The following DNMT3A variants were observed in gnomAD, a reference collection of about 807,000 sequenced individuals.
DNMT3A encodes DNA (cytosine-5)-methyltransferase 3A.
Under a neutral mutation model 117.6 loss-of-function variants are expected in DNMT3A, and 267 were observed. The observed-to-expected ratio is 2.27, with a 90% confidence interval of 2.05 to 2.51. DNMT3A has a LOEUF of 2.51. Ranked by LOEUF, DNMT3A falls within the 30% of genes most tolerant of loss-of-function variation. The probability of loss-of-function intolerance (pLI) is 0.00; values close to 1 mark genes in which losing one functional copy is unlikely to be tolerated. For missense variants in DNMT3A, 1,029 were observed against 1,260.2 expected (o/e 0.82, Z 2.78); for synonymous variants, 432 against 474.8 (o/e 0.91, Z 1.17).
rs1367311397 is a variant in DNMT3A, at chr2:25,234,434, G to A, written c.2598-14C>T. ...AAACCAAATACCCTGGGGGAGAAAAGGCAGAGAGGGCAGGGTGAGTGCTGG... is the reference window on the plus strand; with the variant it reads ...AAACCAAATACCCTGGGGGAGAAAAAGCAGAGAGGGCAGGGTGAGTGCTGG... On this transcript the variant is annotated splice_polypyrimidine_tract_variant and intron_variant, in intron 22 of 22. Transcript: ENST00000321117. The surrounding 1 kb of genome is among the most constrained non-coding windows in gnomAD (Gnocchi z 4.5). 2 of 1,609,560 alleles carry A rather than the reference G, an allele frequency of 1.2e-6. No homozygotes were observed. Among genetic ancestry groups the A allele is most frequent in the South Asian group, 2.2e-5 (2 of 90,246 alleles).
In DNMT3A at chr2:25,246,810, G is replaced by A. The variant is rs768653455; in HGVS notation, c.1123-34C>T. ...TGACACGCCAGGGTTGGGGTTGTCA[G>A]GACAGGCTGGAAGGCAGATGGGTCA... On this transcript the variant is annotated intron_variant, in intron 9 of 22. Transcript: ENST00000321117. 1.4e-5 allele frequency: 23 copies of A among 1,607,022 alleles called. No homozygotes were observed. In the Admixed American group the frequency reaches 2.8e-4, roughly 20 times the overall value.
rs1001027479 is a variant in DNMT3A at position 25,230,491 on chromosome 2, T to G, written c.*3788A>C. 1.3e-5 allele frequency: 2 copies of G among 152,210 alleles called. No homozygotes were observed. Among genetic ancestry groups the G allele is most frequent in the Non-Finnish European group, 2.9e-5 (2 of 68,062 alleles). 9.4% of individuals were successfully genotyped at this position (152,210 alleles called of 1,614,324 possible). On this transcript the variant is annotated 3_prime_UTR_variant, in exon 23 of 23. Coordinates refer to ENST00000321117, the MANE Select transcript of DNMT3A (RefSeq NM_022552.5). Reference sequence around the variant, plus strand: ...TTCTAAGGGGGAAATGGGCCTACTCTTCGGAAAGAAAATTCCACAGGGAAT... The same window carrying G: ...TTCTAAGGGGGAAATGGGCCTACTCGTCGGAAAGAAAATTCCACAGGGAAT...
At chr2:25,333,801 C>T (rs1023794726) in intron 1 of DNMT3A, among the ~76,000 whole-genome samples, 20 of 152,314 alleles carry the variant, frequency 1.3e-4, no homozygotes, top group African/African-American at 4.6e-4. Flanking sequence ...AAATATTGCA[C>T]GTCATTCAGG....
chr2:25,326,106 A>ATG lies in DNMT3A; in HGVS notation c.-177-11946_-177-11945insCA, dbSNP rs1159330144. On this transcript the variant is annotated intron_variant, in intron 1 of 22. Coordinates refer to ENST00000321117, the MANE Select transcript of DNMT3A (RefSeq NM_022552.5). ...TGCACATTTTCTATTAACTTGATAT[A>ATG]TATGTGTGTGTGTGTGTGTGTGTGT... Among the ~76,000 whole-genome samples the ATG allele has an allele frequency of 2.7e-3, 276 of 103,316 alleles. 1 individual carries two copies. Among genetic ancestry groups the ATG allele is most frequent in the East Asian group, 0.01 (37 of 3,642 alleles). 67.8% of individuals were successfully genotyped at this position (103,316 alleles called of 152,430 possible).
chr2:25,283,817 C>T (rs1466168533), intron 3 of DNMT3A, among the ~76,000 whole-genome samples: 1 of 152,218 alleles, frequency 6.6e-6, no homozygotes, highest in Non-Finnish European at 1.5e-5. Context: ...GTGTGTGTCA[C>T]TGCGCAGTGG....
intron 15 of DNMT3A, 29 bp downstream of exon 15, chr2:25,244,126 C>T (rs759494357): frequency 2.0e-5 from 33 of 1,613,484 alleles, no homozygotes; most frequent in South Asian, 6.6e-5. Context: ...CAAGGGAGCT[C>T]GAGACCGCGC....
chr2:25,318,698 C>CTTTT lies in DNMT3A; in HGVS notation c.-177-4541_-177-4538dup, dbSNP rs375722790. On this transcript the variant is annotated intron_variant, in intron 1 of 22. Transcript: ENST00000321117. ...ATAAAGACATTTTCTTTTTTCTTTT[C>CTTTT]TTTTTTTTTTTTTTTTTGAGATGGA... Among the ~76,000 whole-genome samples, 54 of 132,260 alleles carry CTTTT rather than the reference C, an allele frequency of 4.1e-4. 2 individuals are homozygous for CTTTT. The South Asian group carries it at 9.1e-3, about 22-fold the overall frequency. The allele number at this position is 132,260 out of a possible 152,430, so 86.8% of individuals were successfully genotyped here.
intron 2 of DNMT3A, among the ~76,000 whole-genome samples, chr2:25,302,986 G>A (rs1485301530): frequency 2.0e-5 from 3 of 152,180 alleles, no homozygotes; most frequent in Admixed American, 6.5e-5. Context: ...GTAGGGAGGT[G>A]TCCATCCTGT....
chr2:25,249,873 G>T, intron 6 of DNMT3A: 2 of 892,214 alleles, frequency 2.2e-6, no homozygotes, highest in Non-Finnish European at 3.5e-6. Flanking sequence ...TTTTCTACAT[G>T]CCTTTCAAAA....
rs531337786 is a variant in DNMT3A at position 25,284,180 on chromosome 2, T to C, written c.178-1469A>G. On this transcript the variant is annotated intron_variant, in intron 3 of 22. Coordinates refer to ENST00000321117, the MANE Select transcript of DNMT3A (RefSeq NM_022552.5). ...CTCCGTATGCAGAACACCTACCCAG[T>C]AGAAAGGCAGGGACAGCATCAGCAC... Among the ~76,000 whole-genome samples the C allele has an allele frequency of 6.4e-4, 98 of 152,192 alleles. 1 individual carries two copies. Among genetic ancestry groups the C allele is most frequent in the Non-Finnish European group, 8.8e-4 (60 of 67,996 alleles).
intron 2 of DNMT3A, among the ~76,000 whole-genome samples, chr2:25,313,090 G>A (rs1450631159): frequency 2.0e-5 from 3 of 152,168 alleles, no homozygotes; most frequent in Non-Finnish European, 4.4e-5. Context: ...CTGACAGAGG[G>A]CAACACAGTC....
chr2:25,340,607 C>T (rs142670362), intron 1 of DNMT3A, among the ~76,000 whole-genome samples: 2,780 of 152,184 alleles, frequency 0.018, 34 homozygotes, highest in Middle Eastern at 0.051. Context: ...AGCTCGAGGT[C>T]TCCCGGGGTG....
chr2:25,309,607 G>C (rs894176248), intron 2 of DNMT3A, among the ~76,000 whole-genome samples: 1 of 152,184 alleles, frequency 6.6e-6, no homozygotes, highest in African/African-American at 2.4e-5. Flanking sequence ...CCTAAGGAGC[G>C]CAGAAGCCAG....
intron 5 of DNMT3A, 90 bp downstream of exon 5, chr2:25,275,410 G>GGCCCCCCCC: frequency 1.4e-6 from 2 of 1,451,162 alleles, no homozygotes; most frequent in Non-Finnish European, 1.9e-6. Flanking sequence ...AGGAGGAGGG[G>GGCCCCCCCC]CCCACCCTCC....
intron 6 of DNMT3A, among the ~76,000 whole-genome samples, chr2:25,270,353 G>A (rs1021205379): frequency 6.6e-6 from 1 of 152,180 alleles, no homozygotes; most frequent in African/African-American, 2.4e-5. Flanking sequence ...CAGGTGCTAT[G>A]AGCCCTCATC....
In DNMT3A at chr2:25,289,164, G is replaced by A. The variant is rs947506289; in HGVS notation, c.178-6453C>T. On this transcript the variant is annotated intron_variant, in intron 3 of 22. Transcript: ENST00000321117. ...CTGTTGCCCAGGCGAGTGCAGTGGCGCGATCTCGGCTCACTGCAACCTCCA... is the reference window on the plus strand; with the variant it reads ...CTGTTGCCCAGGCGAGTGCAGTGGCACGATCTCGGCTCACTGCAACCTCCA... Among the ~76,000 whole-genome samples the A allele has an allele frequency of 1.2e-4, 18 of 150,726 alleles. No individual in the cohort carries two copies. The East Asian group carries it at 1.4e-3, about 11-fold the overall frequency.
Position 25,315,174 on chromosome 2 carries a change from C to A in DNMT3A, c.-177-1013G>T, listed in dbSNP as rs538069241. On this transcript the variant is annotated intron_variant, in intron 1 of 22. Transcript: ENST00000321117. Reference sequence around the variant, plus strand: ...TTCCTGGTTCTGCTTCCCCAGCTCCCCCTCCCTCCTGGGCTTCTCCTCCCA... The same window carrying A: ...TTCCTGGTTCTGCTTCCCCAGCTCCACCTCCCTCCTGGGCTTCTCCTCCCA... Among the ~76,000 whole-genome samples, 4 of 152,318 alleles carry A rather than the reference C, an allele frequency of 2.6e-5. No individual in the cohort carries two copies. The East Asian group carries it at 7.7e-4, about 29-fold the overall frequency.
rs558467819 is a variant in DNMT3A, at chr2:25,275,937, G to A, written c.449-394C>T. On this transcript the variant is annotated intron_variant, in intron 4 of 22. Transcript: ENST00000321117. Reference sequence around the variant, plus strand: ...AGGAGCAGGAAGGCAGAGGGGGTGCGGAAGGAGGAGGGGGTGCAGGAAGGC... The same window carrying A: ...AGGAGCAGGAAGGCAGAGGGGGTGCAGAAGGAGGAGGGGGTGCAGGAAGGC... 9.2e-5 allele frequency among the ~76,000 whole-genome samples: 14 copies of A among 152,122 alleles called. No individual in the cohort carries two copies. The South Asian group carries it at 2.1e-3, about 23-fold the overall frequency.
intron 6 of DNMT3A, among the ~76,000 whole-genome samples, chr2:25,272,799 TTCTC>T (rs1009096597): frequency 6.7e-6 from 1 of 149,258 alleles, no homozygotes; most frequent in Non-Finnish European, 1.5e-5. Flanking sequence ...GTTCTGCACT[TTCTC>T]TTTTTTTTTT....
Sources: allele counts gnomAD v4.1 joint callset (sites outside exome capture counted in the v4.1 genomes callset), GRCh38; gene constraint gnomAD v4.1.1; non-coding constraint Gnocchi (gnomAD v3.1); transcripts MANE v1.5; gene names NCBI Gene and HGNC (gene_info 2026-07-23, HGNC 2026-07-21).